ATP6V0D2: variants seen among roughly 807,000 people sequenced by gnomAD.
ATP6V0D2 encodes the protein ATPase H+ transporting V0 subunit d2.
In ATP6V0D2, 40 loss-of-function variants were observed where a neutral mutation model predicts 40.0. The observed-to-expected ratio is 1.00, with a 90% confidence interval of 0.78 to 1.30. The LOEUF is 1.30. ATP6V0D2 is among the 50% of genes most tolerant of loss of function. The pLI is 0.00. For synonymous variants in ATP6V0D2, 179 were observed against 156.3 expected (o/e 1.15, Z -1.08); for missense variants, 470 against 423.1 (o/e 1.11, Z -0.97).
intron 2 of ATP6V0D2, among the ~76,000 whole-genome samples, chr8:86,116,485 C>T (rs1818592937): frequency 6.6e-6 from 1 of 152,152 alleles, no homozygotes; most frequent in South Asian, 2.1e-4. Context: ...GGATTATAGA[C>T]GTGCACCATC....
rs774072838 is a variant in ATP6V0D2, at chr8:86,139,478, T to A, written c.324T>A (p.Asn108Lys). Residue 108 changes from asparagine (N) to lysine (K), a missense_variant, in exon 3 of 8, where the codon AAT becomes AAA. Asn to Lys is a moderately conservative substitution (Grantham distance 94). Coordinates refer to ENST00000285393, the MANE Select transcript of ATP6V0D2 (RefSeq NM_152565.1). The part of the protein sequence containing the change: ...TYMTCSYMID[N>K]VILLMNGALQ... ...CCAGGTGCAGTTATATGATAGACAA[T>A]GTGATTCTGCTGATGAATGGTGCAT... The A allele has an allele frequency of 1.2e-6, 2 of 1,611,842 alleles. No individual in the cohort carries two copies. The highest frequency in any genetic ancestry group is 1.7e-6 in the Non-Finnish European group (2 of 1,179,168).
intron 5 of ATP6V0D2, 54 bp downstream of exon 5, chr8:86,143,008 T>G: frequency 3.1e-6 from 4 of 1,304,138 alleles, no homozygotes; most frequent in Non-Finnish European, 3.3e-6. Flanking sequence ...TACATATTTT[T>G]ATTGTTTTAA....
intron 2 of ATP6V0D2, among the ~76,000 whole-genome samples, chr8:86,135,682 C>T (rs193155827): frequency 1.3e-5 from 2 of 152,270 alleles, no homozygotes; most frequent in East Asian, 3.9e-4. Flanking sequence ...TTGCTCATCA[C>T]AGTTTTAGGT....
intron 1 of ATP6V0D2, among the ~76,000 whole-genome samples, chr8:86,101,179 T>C (rs529699526): frequency 7.0e-6 from 1 of 143,544 alleles, no homozygotes; most frequent in East Asian, 2.1e-4. Context: ...AGAAAATAGG[T>C]CGGGTATAGT....
chr8:86,144,403 G>A (rs1819018712), intron 5 of ATP6V0D2, among the ~76,000 whole-genome samples: 3 of 151,996 alleles, frequency 2.0e-5, no homozygotes, highest in African/African-American at 7.3e-5. Context: ...TACATTATCT[G>A]GTACAGTGAC....
intron 1 of ATP6V0D2, among the ~76,000 whole-genome samples, chr8:86,106,119 T>G (rs1375088958): frequency 6.6e-6 from 1 of 152,012 alleles, no homozygotes; most frequent in Admixed American, 6.6e-5. Flanking sequence ...TGCTTTTTTT[T>G]TTTATTTTTA....
intron 2 of ATP6V0D2, among the ~76,000 whole-genome samples, chr8:86,139,030 C>T (rs191202892): frequency 1.7e-3 from 258 of 152,186 alleles, no homozygotes; most frequent in Middle Eastern, 6.8e-3. Context: ...GAGTTTGAGA[C>T]CAGCCTGGCC....
At chr8:86,102,656 A>C in intron 1 of ATP6V0D2, among the ~76,000 whole-genome samples, 1 of 152,252 alleles carries the variant, frequency 6.6e-6, no homozygotes, top group East Asian at 1.9e-4. Flanking sequence ...GAAAAGTGTT[A>C]GTATTCATAA....
At chr8:86,141,672 T>C (rs1818975477) in intron 4 of ATP6V0D2, 143 bp downstream of exon 4, 1 of 572,666 alleles carries the variant, frequency 1.7e-6, no homozygotes, top group Non-Finnish European at 2.9e-6. Flanking sequence ...TTTATAGTTC[T>C]GGCCTGTCCT....
At chr8:86,150,671 G>A (rs1467139085) in intron 6 of ATP6V0D2, among the ~76,000 whole-genome samples, 1 of 152,080 alleles carries the variant, frequency 6.6e-6, no homozygotes, top group Non-Finnish European at 1.5e-5. Flanking sequence ...AGGGAAACAA[G>A]GTTAGCCACA....
intron 5 of ATP6V0D2, among the ~76,000 whole-genome samples, chr8:86,144,282 A>G (rs917826877): frequency 2.0e-5 from 3 of 152,208 alleles, no homozygotes; most frequent in Non-Finnish European, 4.4e-5. Context: ...TCCTCTTGCT[A>G]GTAAATAATT....
At chr8:86,151,378 C>A in intron 6 of ATP6V0D2, 88 bp from the exon 7 acceptor site, 2 of 958,038 alleles carry the variant, frequency 2.1e-6, no homozygotes, top group Non-Finnish European at 3.0e-6. Context: ...TAAATAGGTA[C>A]ACAATTTCTA....
chr8:86,139,777 C>T (rs1586100599), intron 3 of ATP6V0D2, 142 bp downstream of exon 3: 1 of 803,578 alleles, frequency 1.2e-6, no homozygotes, highest in East Asian at 2.8e-5. Context: ...AGTAGCATAC[C>T]ATGCAGATTC....
rs927919156 is a variant in ATP6V0D2, at chr8:86,118,778, C to T, written c.302+4898C>T. Among the ~76,000 whole-genome samples the T allele has an allele frequency of 1.0e-3, 152 of 151,734 alleles. 2 individuals are homozygous for T. Among genetic ancestry groups the T allele is most frequent in the Admixed American group, 1.7e-3 (26 of 15,274 alleles). On this transcript the variant is annotated intron_variant, in intron 2 of 7. Transcript: ENST00000285393. ...ACATTTACAGAATATTACAATATGC[C>T]GGGGACTTTATTAGGTTGGAAAGCT...
intron 1 of ATP6V0D2, among the ~76,000 whole-genome samples, chr8:86,102,685 A>T (rs1818418667): frequency 6.6e-6 from 1 of 152,238 alleles, no homozygotes; most frequent in African/African-American, 2.4e-5. Context: ...AATTGTGTGC[A>T]TAATTGGGTT....
At chr8:86,101,777 G>A (rs62509935) in intron 1 of ATP6V0D2, among the ~76,000 whole-genome samples, 4 of 152,020 alleles carry the variant, frequency 2.6e-5, no homozygotes, top group South Asian at 2.1e-4. Context: ...TCCATACAGC[G>A]TCAGGGGATG....
At chr8:86,122,559 ACCATATAG>A (rs1005861804) in intron 2 of ATP6V0D2, among the ~76,000 whole-genome samples, 1 of 152,128 alleles carries the variant, frequency 6.6e-6, no homozygotes, top group Admixed American at 6.6e-5. Context: ...TCACCCTATC[ACCATATAG>A]TCAAAAAATG....
chr8:86,104,855 A>C (rs1218687957), intron 1 of ATP6V0D2, among the ~76,000 whole-genome samples: 2 of 151,022 alleles, frequency 1.3e-5, no homozygotes, highest in East Asian at 3.9e-4. Flanking sequence ...ACACATACAC[A>C]CACACACACA....
intron 6 of ATP6V0D2, 91 bp from the exon 7 acceptor site, chr8:86,151,375 G>T (rs1819149039): frequency 8.8e-6 from 8 of 913,222 alleles, no homozygotes; most frequent in South Asian, 4.0e-5. Context: ...TTTTAAATAG[G>T]TACACAATTT....
Sources: allele counts gnomAD v4.1 joint callset (sites outside exome capture counted in the v4.1 genomes callset), GRCh38; gene constraint gnomAD v4.1.1; transcripts MANE v1.5; gene names NCBI Gene and HGNC (gene_info 2026-07-23, HGNC 2026-07-21).